The following GUCY1A2 variants were observed in gnomAD, a reference collection of about 807,000 sequenced individuals.
GUCY1A2 encodes guanylate cyclase soluble subunit alpha-2.
In GUCY1A2, 27 loss-of-function variants were observed where a neutral mutation model predicts 63.5. That is an observed-to-expected ratio of 0.43 (90% CI 0.31 to 0.59). The LOEUF (loss-of-function observed/expected upper bound fraction) is 0.59, where lower values mean the gene tolerates loss of function less well. Ranked by LOEUF, GUCY1A2 falls within the 20% of genes least tolerant of loss-of-function variation. The pLI, the probability that GUCY1A2 is intolerant of heterozygous loss-of-function variation, is 0.11. For synonymous variants in GUCY1A2, 364 were observed against 343.5 expected (o/e 1.06, Z -0.66); for missense variants, 768 against 913.3 (o/e 0.84, Z 2.05).
At chr11:106,868,240 T>C (rs1424934918) in intron 4 of GUCY1A2, among the ~76,000 whole-genome samples, 1 of 151,972 alleles carries the variant, frequency 6.6e-6, no homozygotes, top group Non-Finnish European at 1.5e-5. Flanking sequence ...TGAATGATAA[T>C]TTACAATTAA....
In GUCY1A2 at chr11:106,753,608, T is replaced by G. The variant is rs377128893; in HGVS notation, c.1836+22831A>C. ...GGCTAGTCAGTTTTCCCAACACTGTTTATTAAATAGGGAATCCTTTTCCTT... is the reference window on the plus strand; with the variant it reads ...GGCTAGTCAGTTTTCCCAACACTGTGTATTAAATAGGGAATCCTTTTCCTT... On this transcript the variant is annotated intron_variant, in intron 6 of 7. Coordinates refer to ENST00000526355, the MANE Select transcript of GUCY1A2 (RefSeq NM_000855.3). Among the ~76,000 whole-genome samples, 15 of 152,314 alleles carry G rather than the reference T, an allele frequency of 9.8e-5. 1 individual carries two copies. The South Asian group carries it at 3.1e-3, about 32-fold the overall frequency.
At chr11:107,013,200 C>CT (rs1217445102) in intron 1 of GUCY1A2, among the ~76,000 whole-genome samples, 1 of 152,038 alleles carries the variant, frequency 6.6e-6, no homozygotes, top group Non-Finnish European at 1.5e-5. Flanking sequence ...AATTCTGTTA[C>CT]TTTTTTTTCC....
intron 4 of GUCY1A2, among the ~76,000 whole-genome samples, chr11:106,930,149 A>G (rs548508132): frequency 6.6e-6 from 1 of 152,326 alleles, no homozygotes; most frequent in South Asian, 2.1e-4. Flanking sequence ...AACAAGTAGT[A>G]AACATATTTG....
At chr11:106,784,281 C>T (rs1194194790) in intron 5 of GUCY1A2, among the ~76,000 whole-genome samples, 1 of 152,116 alleles carries the variant, frequency 6.6e-6, no homozygotes, top group Admixed American at 6.5e-5. Context: ...CCAGCCACAA[C>T]CCTGTAGGTT....
intron 6 of GUCY1A2, among the ~76,000 whole-genome samples, chr11:106,719,946 A>T (rs1206529057): frequency 6.6e-6 from 1 of 152,198 alleles, no homozygotes; most frequent in Non-Finnish European, 1.5e-5. Flanking sequence ...GCATTCTATA[A>T]ATTCCTTCAC....
At chr11:107,012,277 G>A (rs76284673) in intron 1 of GUCY1A2, among the ~76,000 whole-genome samples, 40 of 104,302 alleles carry the variant, frequency 3.8e-4, no homozygotes, top group African/African-American at 1.2e-3. Context: ...TTTTTTTTTC[G>A]TACTTGACAT....
At chr11:106,846,776 C>A (rs903861145) in intron 4 of GUCY1A2, among the ~76,000 whole-genome samples, 1 of 151,406 alleles carries the variant, frequency 6.6e-6, no homozygotes, top group South Asian at 2.1e-4. Flanking sequence ...GAGAACTGAA[C>A]AAATGAAATA....
At chr11:106,828,826 C>G (rs1859011887) in intron 4 of GUCY1A2, among the ~76,000 whole-genome samples, 1 of 152,168 alleles carries the variant, frequency 6.6e-6, no homozygotes, top group South Asian at 2.1e-4. Flanking sequence ...AGCACATGAA[C>G]AAGTCCATCA....
Position 106,869,030 on chromosome 11 carries a change from G to A in GUCY1A2, c.1207-58552C>T, listed in dbSNP as rs182658799. 4.7e-3 allele frequency among the ~76,000 whole-genome samples: 710 copies of A among 152,174 alleles called. 6 individuals carry two copies. Among genetic ancestry groups the A allele is most frequent in the African/African-American group, 0.016 (675 of 41,524 alleles). ...GAAAAGGATTCTCTATTTAACAAAC[G>A]GTGCTGGGAAAACTGGCTAGCCATA... is the stretch of plus-strand genomic sequence containing the variant. On this transcript the variant is annotated intron_variant, in intron 4 of 7. Transcript: ENST00000526355.
chr11:107,009,601 G>A (rs1861716599), intron 1 of GUCY1A2, among the ~76,000 whole-genome samples: 1 of 152,138 alleles, frequency 6.6e-6, no homozygotes, highest in Admixed American at 6.5e-5. Context: ...GGAAAAACGG[G>A]CAGAGTCCAC....
chr11:106,879,154 T>C (rs913119356), intron 4 of GUCY1A2, among the ~76,000 whole-genome samples: 2 of 152,074 alleles, frequency 1.3e-5, no homozygotes, highest in African/African-American at 4.8e-5. Context: ...TCTAAACCTT[T>C]TGAGAGAAGG....
intron 1 of GUCY1A2, among the ~76,000 whole-genome samples, chr11:107,015,687 A>G (rs1209540514): frequency 6.6e-6 from 1 of 151,222 alleles, no homozygotes; most frequent in East Asian, 1.9e-4. Flanking sequence ...TGTACTAAAT[A>G]ACTATTTTAT....
chr11:106,985,546 G>C (rs1861390328), intron 2 of GUCY1A2, among the ~76,000 whole-genome samples: 1 of 152,202 alleles, frequency 6.6e-6, no homozygotes, highest in Non-Finnish European at 1.5e-5. Context: ...GTGAGGCCTT[G>C]AAGTCCTGTC....
intron 6 of GUCY1A2, among the ~76,000 whole-genome samples, chr11:106,733,983 T>C (rs1276724909): frequency 6.6e-6 from 1 of 152,156 alleles, no homozygotes; most frequent in Non-Finnish European, 1.5e-5. Context: ...TATAACTGGT[T>C]AGTCACAGTG....
intron 4 of GUCY1A2, among the ~76,000 whole-genome samples, chr11:106,865,153 ACTT>A (rs1247929358): frequency 6.6e-6 from 1 of 152,076 alleles, no homozygotes; most frequent in African/African-American, 2.4e-5. Flanking sequence ...GAATTTATTC[ACTT>A]CTTCTGGATT....
chr11:106,894,450 T>C (rs1860018298), intron 4 of GUCY1A2, among the ~76,000 whole-genome samples: 1 of 152,188 alleles, frequency 6.6e-6, no homozygotes, highest in Non-Finnish European at 1.5e-5. Context: ...ATCAACTGGA[T>C]ATAATGCATA....
chr11:107,008,483 A>G (rs1861702308), intron 1 of GUCY1A2, among the ~76,000 whole-genome samples: 1 of 152,174 alleles, frequency 6.6e-6, no homozygotes, highest in East Asian at 1.9e-4. Context: ...CAGATAAAAT[A>G]ATCAATTAAA....
In GUCY1A2 at chr11:106,685,605, T is replaced by A. The variant is rs1252146358; in HGVS notation, c.*1944A>T. The A allele has an allele frequency of 8.8e-6, 2 of 228,032 alleles. No homozygotes were observed. Among genetic ancestry groups the A allele is most frequent in the Admixed American group, 1.1e-4 (2 of 17,620 alleles). The allele number at this position is 228,032 out of a possible 1,614,324, so 14.1% of individuals were successfully genotyped here. A position where few individuals can be genotyped will look rare whatever the true frequency, so the allele number is the denominator to read the frequency against. On this transcript the variant is annotated 3_prime_UTR_variant, in exon 8 of 8. Coordinates refer to ENST00000526355, the MANE Select transcript of GUCY1A2 (RefSeq NM_000855.3). ...CATCAGTGAGCTTGTTCCCTCCCCATGCTCCAGTGCTACAAGGAGCCCATC... is the reference window on the plus strand; with the variant it reads ...CATCAGTGAGCTTGTTCCCTCCCCAAGCTCCAGTGCTACAAGGAGCCCATC...
chr11:106,726,115 C>T (rs1250343335), intron 6 of GUCY1A2, among the ~76,000 whole-genome samples: 1 of 152,128 alleles, frequency 6.6e-6, no homozygotes, highest in Non-Finnish European at 1.5e-5. Context: ...CAGTGCCTGA[C>T]ACATAAAAAG....
Sources: gnomAD v4.1 joint callset for allele counts (sites outside exome capture counted in the v4.1 genomes callset) on GRCh38, gnomAD v4.1.1 for gene constraint, MANE v1.5 for transcripts, NCBI Gene and HGNC (gene_info 2026-07-23, HGNC 2026-07-21) for gene names.